MCC: variants seen among roughly 807,000 people sequenced by gnomAD.
The protein encoded by MCC is colorectal mutant cancer protein.
A neutral mutation model predicts 116.2 loss-of-function variants in MCC; 90 were observed. That is an observed-to-expected ratio of 0.77 (90% confidence interval 0.65 to 0.92). The LOEUF is 0.92. MCC is among the 40% of genes least tolerant of loss of function. The pLI, the probability that MCC is intolerant of heterozygous loss-of-function variation, is 0.00. For synonymous variants in MCC, 578 were observed against 510.5 expected (o/e 1.13, Z -1.78); for missense variants, 1,516 against 1,312.2 (o/e 1.16, Z -2.40).
At chr5:113,242,550 A>T (rs1395810220) in intron 3 of MCC, among the ~76,000 whole-genome samples, 1 of 152,066 alleles carries the variant, frequency 6.6e-6, no homozygotes, top group Non-Finnish European at 1.5e-5. Context: ...TTTTTTTTTA[A>T]TCCCTCAAGA....
intron 3 of MCC, among the ~76,000 whole-genome samples, chr5:113,259,910 C>A (rs1004145204): frequency 2.6e-5 from 4 of 152,082 alleles, no homozygotes; most frequent in African/African-American, 9.7e-5. Context: ...ATATTTTTCT[C>A]AGGTAAGTGT....
At chr5:113,451,450 T>C (rs969688314) in intron 1 of MCC, among the ~76,000 whole-genome samples, 3 of 152,230 alleles carry the variant, frequency 2.0e-5, no homozygotes, top group Non-Finnish European at 4.4e-5. Flanking sequence ...TTAAGAAAAC[T>C]GAGGCTGGGT....
At chr5:113,104,401 C>G in intron 6 of MCC, 46 bp from the exon 7 acceptor site, 12 of 1,536,196 alleles carry the variant, frequency 7.8e-6, no homozygotes, top group Non-Finnish European at 1.1e-5. Context: ...GCAACAAATG[C>G]TGTCTGTTTT....
At chr5:113,126,232 T>A (rs932043416) in intron 5 of MCC, among the ~76,000 whole-genome samples, 2 of 152,186 alleles carry the variant, frequency 1.3e-5, no homozygotes, top group Non-Finnish European at 2.9e-5. Context: ...GAGACAGGCA[T>A]TAGATTGTAC....
intron 1 of MCC, among the ~76,000 whole-genome samples, chr5:113,485,344 G>A (rs749484462): frequency 1.3e-5 from 2 of 152,160 alleles, no homozygotes; most frequent in African/African-American, 2.4e-5. Flanking sequence ...GGTATTAACC[G>A]CTACTTGCCC....
At chr5:113,252,473 C>T (rs1299112285) in intron 3 of MCC, among the ~76,000 whole-genome samples, 5 of 152,122 alleles carry the variant, frequency 3.3e-5, no homozygotes, top group Admixed American at 6.5e-5. Context: ...GAATCTAATG[C>T]CTTATGATCT....
intron 3 of MCC, among the ~76,000 whole-genome samples, chr5:113,180,070 C>T (rs570302775): frequency 1.3e-5 from 2 of 152,180 alleles, no homozygotes; most frequent in Non-Finnish European, 2.9e-5. Flanking sequence ...AGAATGAATA[C>T]AGTGGCCCGA....
intron 3 of MCC, among the ~76,000 whole-genome samples, chr5:113,260,053 T>G (rs1213312232): frequency 1.3e-5 from 2 of 152,018 alleles, no homozygotes; most frequent in Non-Finnish European, 2.9e-5. Flanking sequence ...TCATTATAAA[T>G]TCAAGAGAAT....
chr5:113,098,035 T>C (rs1756142225), intron 8 of MCC, among the ~76,000 whole-genome samples: 1 of 152,244 alleles, frequency 6.6e-6, no homozygotes, highest in South Asian at 2.1e-4. Flanking sequence ...AGAAGAATTC[T>C]GTAAATCTGA....
rs140770387 is a variant in MCC at position 113,208,018 on chromosome 5, G to A, written c.628-56596C>T. Among the ~76,000 whole-genome samples, 150 of 152,112 alleles carry A rather than the reference G, an allele frequency of 9.9e-4. 1 individual carries two copies. The highest frequency in any genetic ancestry group is 3.6e-3 in the African/African-American group (148 of 41,498). ...GCTTACTCATATGCAATATCTGCTT[G>A]TCAAAGGTAGCACAGATAATAATCC... On this transcript the variant is annotated intron_variant, in intron 3 of 18. Coordinates refer to ENST00000408903, the MANE Select transcript of MCC (RefSeq NM_001085377.2).
At chr5:113,476,340 G>A (rs1378549536) in intron 1 of MCC, among the ~76,000 whole-genome samples, 1 of 152,176 alleles carries the variant, frequency 6.6e-6, no homozygotes, top group African/African-American at 2.4e-5. Context: ...CTAGTATAAG[G>A]ATAGGCACAC....
intron 3 of MCC, among the ~76,000 whole-genome samples, chr5:113,190,014 C>A (rs1762077177): frequency 6.6e-6 from 1 of 152,208 alleles, no homozygotes; most frequent in South Asian, 2.1e-4. Flanking sequence ...GCCTGAAGTA[C>A]CCAGCCTCAG....
intron 14 of MCC, among the ~76,000 whole-genome samples, chr5:113,056,649 A>G (rs1413274159): frequency 6.6e-6 from 1 of 152,216 alleles, no homozygotes; most frequent in Non-Finnish European, 1.5e-5. Flanking sequence ...GGGTGACAAA[A>G]TAATTTATAC....
chr5:113,461,591 A>G (rs1771743765), intron 1 of MCC, among the ~76,000 whole-genome samples: 1 of 152,044 alleles, frequency 6.6e-6, no homozygotes, highest in East Asian at 1.9e-4. Context: ...GGACTGCTTG[A>G]GCCCAGGAGT....
At chr5:113,227,352 C>A (rs1763777847) in intron 3 of MCC, among the ~76,000 whole-genome samples, 1 of 152,192 alleles carries the variant, frequency 6.6e-6, no homozygotes, top group Non-Finnish European at 1.5e-5. Context: ...GCCAAATAAT[C>A]TGGTGTTAGG....
chr5:113,114,745 G>C (rs1757298634), intron 6 of MCC, among the ~76,000 whole-genome samples: 1 of 152,156 alleles, frequency 6.6e-6, no homozygotes, highest in Non-Finnish European at 1.5e-5. Context: ...GAGGAGTCTG[G>C]CTGGGGACAG....
At chr5:113,080,826 AAGAAAAG>A (rs903260626) in intron 11 of MCC, among the ~76,000 whole-genome samples, 6 of 142,232 alleles carry the variant, frequency 4.2e-5, no homozygotes, top group Non-Finnish European at 6.0e-5. Flanking sequence ...AAAAAAAAAA[AAGAAAAG>A]AAAAAAGAAA....
At chr5:113,328,808 G>A (rs1292270896) in intron 3 of MCC, among the ~76,000 whole-genome samples, 1 of 152,140 alleles carries the variant, frequency 6.6e-6, no homozygotes, top group Non-Finnish European at 1.5e-5. Flanking sequence ...GCTATCCCCA[G>A]AACAGTCTGG....
Position 113,064,161 on chromosome 5 carries a change from T to C in MCC, c.2036A>G (p.Gln679Arg). ...AAGVGSSPGD[Q>R]SGDENITQML... is the part of the protein sequence containing the mutation. Reference sequence around the variant, plus strand: ...CTGAGTGATGTTTTCATCCCCCGACTGGTCTCCTATGTGGCAGAGAAGCCA... The same window carrying C: ...CTGAGTGATGTTTTCATCCCCCGACCGGTCTCCTATGTGGCAGAGAAGCCA... The change falls in exon 14 of 19, where the codon CAG becomes CGG. Residue 679 changes from glutamine to arginine, a missense_variant. Physicochemically the swap from Gln to Arg is conservative, Grantham distance 43. Transcript: ENST00000408903. 1 of 1,609,864 alleles carries C rather than the reference T, an allele frequency of 6.2e-7. No individual in the cohort carries two copies. Among genetic ancestry groups the C allele is most frequent in the Non-Finnish European group, 8.5e-7 (1 of 1,177,430 alleles).
Sources: allele counts gnomAD v4.1 joint callset (sites outside exome capture counted in the v4.1 genomes callset), GRCh38; gene constraint gnomAD v4.1.1; transcripts MANE v1.5; gene names NCBI Gene and HGNC (gene_info 2026-07-23, HGNC 2026-07-21).